The following STX8 variants were observed in gnomAD, a reference collection of about 807,000 sequenced individuals.
The protein encoded by STX8 is syntaxin-8.
In STX8, 23 loss-of-function variants were observed where a neutral mutation model predicts 37.5. The ratio of observed to expected loss-of-function variants is 0.61; its 90% confidence interval spans 0.44 to 0.87. The LOEUF is 0.87. Among genes scored for constraint, STX8 ranks in the 40% least tolerant of loss-of-function variants. The probability of loss-of-function intolerance (pLI) is 0.00; values close to 1 mark genes in which losing one functional copy is unlikely to be tolerated. For missense variants in STX8, 313 were observed against 284.7 expected (o/e 1.10, Z -0.71); for synonymous variants, 115 against 99.1 (o/e 1.16, Z -0.95).
chr17:9,255,529 AATAAATAAATAAATAAATAAATAAATAT>A (rs773386450), intron 7 of STX8, among the ~76,000 whole-genome samples: 34,711 of 127,654 alleles, frequency 0.27, 4,632 homozygotes, highest in Admixed American at 0.39. Flanking sequence ...TCCATCTCAA[AATAAATAAATAAATAAATAAATAAATAT>A]ATAAATAAAT....
chr17:9,285,392 T>G (rs1261749899), intron 7 of STX8, among the ~76,000 whole-genome samples: 1 of 144,740 alleles, frequency 6.9e-6, no homozygotes, highest in Non-Finnish European at 1.5e-5. Flanking sequence ...CAGAAACCAG[T>G]GTAGAGGTCC....
chr17:9,256,000 A>T (rs1173477520), intron 7 of STX8, among the ~76,000 whole-genome samples: 1 of 152,178 alleles, frequency 6.6e-6, no homozygotes, highest in Non-Finnish European at 1.5e-5. Flanking sequence ...GTAAGCAGGG[A>T]TCTTTTTGAA....
Position 9,333,551 on chromosome 17 carries a change from C to T in STX8, c.643+45001G>A, listed in dbSNP as rs553817740. On this transcript the variant is annotated intron_variant, in intron 7 of 7. Transcript: ENST00000306357. ...TATAGGCGCCCGCCACCACGCCCAG[C>T]TAATATTTTGTATTTTTTTAGTAGA... 3.0e-3 allele frequency among the ~76,000 whole-genome samples: 449 copies of T among 151,926 alleles called. 1 individual carries two copies. Among genetic ancestry groups the T allele is most frequent in the African/African-American group, 9.7e-3 (401 of 41,488 alleles).
chr17:9,479,737 T>C (rs973146415), intron 6 of STX8, among the ~76,000 whole-genome samples: 3 of 152,056 alleles, frequency 2.0e-5, no homozygotes, highest in East Asian at 1.9e-4. Context: ...TAATTTTACA[T>C]TGAAACCACT....
intron 7 of STX8, among the ~76,000 whole-genome samples, chr17:9,375,489 T>A (rs9911106): frequency 0.034 from 5,134 of 152,294 alleles, 300 homozygotes; most frequent in African/African-American, 0.11. Context: ...CTTGCCAACA[T>A]GTCTATGAAT....
chr17:9,261,902 T>C (rs1226459651), intron 7 of STX8, among the ~76,000 whole-genome samples: 2 of 152,224 alleles, frequency 1.3e-5, no homozygotes, highest in African/African-American at 4.8e-5. Flanking sequence ...AGGAACTCTG[T>C]TACGGATATC....
intron 6 of STX8, among the ~76,000 whole-genome samples, chr17:9,422,548 A>C (rs1913477564): frequency 6.6e-6 from 1 of 152,196 alleles, no homozygotes; most frequent in South Asian, 2.1e-4. Flanking sequence ...ATCATACAAT[A>C]TGTGGCCTTT....
chr17:9,310,607 T>C (rs1174087514), intron 7 of STX8, among the ~76,000 whole-genome samples: 2 of 152,040 alleles, frequency 1.3e-5, no homozygotes, highest in Non-Finnish European at 2.9e-5. Flanking sequence ...TGCACCTGTT[T>C]TGGGAGGAGA....
chr17:9,545,413 A>G, intron 3 of STX8, 131 bp from the exon 4 acceptor site: 1 of 644,740 alleles, frequency 1.6e-6, no homozygotes, highest in East Asian at 2.7e-5. Flanking sequence ...AGGGATGCGC[A>G]CCACTCTTGC....
chr17:9,402,410 C>T (rs936462747), intron 6 of STX8, among the ~76,000 whole-genome samples: 2 of 152,146 alleles, frequency 1.3e-5, no homozygotes, highest in African/African-American at 2.4e-5. Context: ...CGTGAGTCAC[C>T]GCACCCAGCC....
intron 6 of STX8, among the ~76,000 whole-genome samples, chr17:9,463,348 A>G (rs977638035): frequency 2.0e-5 from 3 of 152,192 alleles, no homozygotes; most frequent in African/African-American, 7.2e-5. Flanking sequence ...ACACAGTAAC[A>G]ATTATGTTTG....
At chr17:9,434,248 C>T (rs773193017) in intron 6 of STX8, among the ~76,000 whole-genome samples, 2 of 152,194 alleles carry the variant, frequency 1.3e-5, no homozygotes, top group Non-Finnish European at 1.5e-5. Flanking sequence ...CGTGATCCGC[C>T]GGCCTCAGCC....
intron 6 of STX8, among the ~76,000 whole-genome samples, chr17:9,478,852 C>T (rs1906203307): frequency 6.6e-6 from 1 of 152,214 alleles, no homozygotes; most frequent in African/African-American, 2.4e-5. Context: ...CACTGGCCAC[C>T]TCCTCATCAG....
At chr17:9,471,023 G>A (rs1905833317) in intron 6 of STX8, among the ~76,000 whole-genome samples, 1 of 72,854 alleles carries the variant, frequency 1.4e-5, no homozygotes, top group Admixed American at 1.6e-4. Context: ...GTGAGCCACT[G>A]CATCCTGCTT....
chr17:9,575,302 GC>G (rs1462207683), intron 1 of STX8, among the ~76,000 whole-genome samples: 5 of 152,180 alleles, frequency 3.3e-5, no homozygotes, highest in African/African-American at 4.8e-5. Context: ...ATCTGGAAGG[GC>G]CCCCAAGATC....
At chr17:9,444,519 A>G (rs1417810991) in intron 6 of STX8, among the ~76,000 whole-genome samples, 1 of 152,116 alleles carries the variant, frequency 6.6e-6, no homozygotes, top group Non-Finnish European at 1.5e-5. Flanking sequence ...GTTGTGTAGC[A>G]TTTTCCATAG....
chr17:9,359,982 T>G (rs1284203953), intron 7 of STX8, among the ~76,000 whole-genome samples: 3 of 151,996 alleles, frequency 2.0e-5, no homozygotes, highest in Non-Finnish European at 2.9e-5. Flanking sequence ...GGGGAGAAGG[T>G]TAAAGAGCCC....
intron 4 of STX8, among the ~76,000 whole-genome samples, chr17:9,525,960 G>A (rs1020280630): frequency 2.0e-5 from 3 of 152,164 alleles, no homozygotes; most frequent in African/African-American, 4.8e-5. Flanking sequence ...CTCAAACCCT[G>A]GTTGTCTAAT....
intron 7 of STX8, among the ~76,000 whole-genome samples, chr17:9,307,186 A>C (rs1247372995): frequency 1.3e-5 from 2 of 152,222 alleles, no homozygotes; most frequent in Non-Finnish European, 2.9e-5. Context: ...AGGTCTTATA[A>C]ATCATCAGTG....
Sources: gnomAD v4.1 joint callset for allele counts (sites outside exome capture counted in the v4.1 genomes callset) on GRCh38, gnomAD v4.1.1 for gene constraint, MANE v1.5 for transcripts, NCBI Gene and HGNC (gene_info 2026-07-23, HGNC 2026-07-21) for gene names.